Variants in GAREM1 observed in about 807,000 individuals in gnomAD.
GAREM1 encodes GRB2 associated regulator of MAPK1 subtype 1.
In GAREM1, 26 loss-of-function variants were observed where a neutral mutation model predicts 71.3. That is an observed-to-expected ratio of 0.36 (90% CI 0.27 to 0.51). The LOEUF is 0.51. GAREM1 is among the 20% of genes least tolerant of loss of function. The pLI is 0.95. For missense variants in GAREM1, 1,026 were observed against 1,103.1 expected (o/e 0.93, Z 0.99); for synonymous variants, 440 against 433.2 (o/e 1.02, Z -0.20).
chr18:32,313,209 G>T (rs1278881714), intron 2 of GAREM1, among the ~76,000 whole-genome samples: 1 of 152,130 alleles, frequency 6.6e-6, no homozygotes, highest in Non-Finnish European at 1.5e-5. Context: ...GTCACCGGGA[G>T]CAATTATGCC....
At chr18:32,391,852 G>A (rs944109995) in intron 2 of GAREM1, among the ~76,000 whole-genome samples, 6 of 152,080 alleles carry the variant, frequency 3.9e-5, no homozygotes, top group African/African-American at 1.4e-4. Flanking sequence ...TGAGTAAGAA[G>A]GATTTTTGAG....
chr18:32,277,441 T>A (rs1272777199), intron 4 of GAREM1, among the ~76,000 whole-genome samples: 1 of 152,148 alleles, frequency 6.6e-6, no homozygotes, highest in Non-Finnish European at 1.5e-5. Context: ...ACTGGCCACA[T>A]AAAGCTAGAA....
At chr18:32,315,327 T>C (rs2047365086) in intron 2 of GAREM1, among the ~76,000 whole-genome samples, 1 of 151,592 alleles carries the variant, frequency 6.6e-6, no homozygotes, top group Non-Finnish European at 1.5e-5. Context: ...TAGCCACATT[T>C]AAAGAGAAGA....
intron 1 of GAREM1, among the ~76,000 whole-genome samples, chr18:32,463,658 C>T (rs2048972634): frequency 6.6e-6 from 1 of 151,462 alleles, no homozygotes; most frequent in Non-Finnish European, 1.5e-5. Context: ...CAAACTCCAC[C>T]TCCCGGGTTC....
intron 1 of GAREM1, among the ~76,000 whole-genome samples, chr18:32,439,697 G>A (rs2048715229): frequency 6.6e-6 from 1 of 151,458 alleles, no homozygotes; most frequent in African/African-American, 2.4e-5. Flanking sequence ...GTTATTTCTG[G>A]TAAGAATACG....
Position 32,268,078 on chromosome 18 carries a change from T to C in GAREM1, c.2424A>G (p.Leu808=), listed in dbSNP as rs200228845. 5.8e-5 allele frequency: 93 copies of C among 1,614,004 alleles called. No individual in the cohort carries two copies. The highest frequency in any genetic ancestry group is 3.3e-5 in the Admixed American group (2 of 60,000). The change falls in exon 6 of 6, where the codon CTA becomes CTG. Residue 808 remains leucine, a synonymous_variant. Coordinates refer to ENST00000269209, the MANE Select transcript of GAREM1 (RefSeq NM_001242409.2). The part of the protein sequence containing the change: ...DGSPWQPPAD[L]SGLSIEEVSK... ...ACACTTCCTCTATAGAGAGTCCTGA[T>C]AGGTCAGCAGGTGGCTGCCATGGGG...
rs683701 is a variant in GAREM1 at position 32,310,334 on chromosome 18, G to A, written c.263-11C>T. On this transcript the variant is annotated splice_polypyrimidine_tract_variant and intron_variant, in intron 2 of 5. Transcript: ENST00000269209. ...GCAGCTTGAATTGCCCTAAAACACA[G>A]GATAAACAGAAGAGATCTAAGATGT... 3.7e-6 allele frequency: 6 copies of A among 1,613,274 alleles called. No individual in the cohort carries two copies. The South Asian group carries it at 6.6e-5, about 18-fold the overall frequency.
intron 2 of GAREM1, among the ~76,000 whole-genome samples, chr18:32,325,630 G>A (rs898786948): frequency 1.3e-5 from 2 of 152,198 alleles, no homozygotes; most frequent in Non-Finnish European, 2.9e-5. Flanking sequence ...AGTAAGGCAC[G>A]TTTTGTTCTC....
At chr18:32,353,117 A>G (rs1438569008) in intron 2 of GAREM1, among the ~76,000 whole-genome samples, 1 of 152,198 alleles carries the variant, frequency 6.6e-6, no homozygotes, top group African/African-American at 2.4e-5. Context: ...TAGAATGAGA[A>G]CCTATATCTT....
intron 1 of GAREM1, among the ~76,000 whole-genome samples, chr18:32,454,511 C>T (rs2048869642): frequency 6.6e-6 from 1 of 152,158 alleles, no homozygotes; most frequent in African/African-American, 2.4e-5. Flanking sequence ...TCAATGATTT[C>T]CCAGCAAAAT....
chr18:32,437,638 C>T (rs183255649), intron 1 of GAREM1, among the ~76,000 whole-genome samples: 104 of 152,042 alleles, frequency 6.8e-4, no homozygotes, highest in African/African-American at 2.4e-3. Context: ...CTGATTACCC[C>T]GAGAAAGTCA....
chr18:32,348,648 TGGGA>T (rs779617257), intron 2 of GAREM1, among the ~76,000 whole-genome samples: 1 of 152,116 alleles, frequency 6.6e-6, no homozygotes, highest in African/African-American at 2.4e-5. Context: ...CGTTTGAACC[TGGGA>T]GGCAGACGTT....
chr18:32,394,466 T>C (rs1309303007), intron 1 of GAREM1, among the ~76,000 whole-genome samples: 4 of 151,988 alleles, frequency 2.6e-5, no homozygotes, highest in Non-Finnish European at 1.5e-5. Context: ...TACTTTATAG[T>C]GCAAAATACA....
intron 1 of GAREM1, among the ~76,000 whole-genome samples, chr18:32,424,532 T>G (rs2048554853): frequency 6.6e-6 from 1 of 152,092 alleles, no homozygotes; most frequent in South Asian, 2.1e-4. Context: ...TTAACGTAAA[T>G]CAATTTACCA....
chr18:32,411,493 CT>C (rs567164283), intron 1 of GAREM1, among the ~76,000 whole-genome samples: 97 of 148,806 alleles, frequency 6.5e-4, no homozygotes, highest in South Asian at 1.5e-3. Context: ...AAAAATATTT[CT>C]TTTTTTTTTC....
At chr18:32,277,329 G>C (rs530864016) in intron 4 of GAREM1, among the ~76,000 whole-genome samples, 2 of 152,306 alleles carry the variant, frequency 1.3e-5, no homozygotes, top group African/African-American at 4.8e-5. Context: ...GTAAGCTGGA[G>C]GTCAACTGTA....
chr18:32,268,450 G>C lies in GAREM1; in HGVS notation c.2052C>G (p.Val684=), dbSNP rs773417343. ...AGACGCTGCTACTGAATTCTGCAGT[G>C]ACTGGGCTAGTGGGGCTGGCCAGGA... ...CELLASPTSP[V]TAEFSSSVSG... is the part of the protein sequence containing the mutation. The change falls in exon 6 of 6, where the codon GTC becomes GTG. Residue 684 remains valine, a synonymous_variant. Coordinates refer to ENST00000269209, the MANE Select transcript of GAREM1 (RefSeq NM_001242409.2). 6 of 1,614,180 alleles carry C rather than the reference G, an allele frequency of 3.7e-6. No individual in the cohort carries two copies. Among genetic ancestry groups the C allele is most frequent in the Middle Eastern group, 1.7e-4 (1 of 6,060 alleles).
chr18:32,348,151 G>A (rs866252230), intron 2 of GAREM1, among the ~76,000 whole-genome samples: 1 of 152,170 alleles, frequency 6.6e-6, no homozygotes, highest in Non-Finnish European at 1.5e-5. Flanking sequence ...AGCAATGCTA[G>A]GAGGATTAAA....
intron 4 of GAREM1, among the ~76,000 whole-genome samples, chr18:32,280,512 C>T (rs1294290327): frequency 1.8e-4 from 28 of 152,160 alleles, no homozygotes; most frequent in Non-Finnish European, 2.9e-5. Context: ...CCTCATGTGG[C>T]TTTTTCACAG....
Sources: gnomAD v4.1 joint callset for allele counts (sites outside exome capture counted in the v4.1 genomes callset) on GRCh38, gnomAD v4.1.1 for gene constraint, MANE v1.5 for transcripts, NCBI Gene and HGNC (gene_info 2026-07-23, HGNC 2026-07-21) for gene names.